HCRTR2: variants seen among roughly 807,000 people sequenced by gnomAD.
The protein encoded by HCRTR2 is orexin receptor type 2.
HCRTR2 carries 22 observed loss-of-function variants against 49.0 expected under a neutral mutation model. That is an observed-to-expected ratio of 0.45 (90% CI 0.32 to 0.64). The LOEUF is 0.64. Ranked by LOEUF, HCRTR2 falls within the 30% of genes least tolerant of loss-of-function variation. The pLI is 0.04. For missense variants in HCRTR2, 491 were observed against 559.4 expected (o/e 0.88, Z 1.23); for synonymous variants, 236 against 205.3 (o/e 1.15, Z -1.28).
chr6:55,245,503 A>T (rs113772687), intron 1 of HCRTR2, among the ~76,000 whole-genome samples: 12 of 124,530 alleles, frequency 9.6e-5, no homozygotes, highest in African/African-American at 3.4e-4. Context: ...ATATATATAT[A>T]TATCTTCCCC....
chr6:55,254,781 T>G lies in HCRTR2; in HGVS notation c.403-355T>G, dbSNP rs188527849. ...ACATATGTGTTTTTTTTTTTCTATA[T>G]GAGGGTATGATTTCTTCCAATCAAT... On this transcript the variant is annotated intron_variant, in intron 2 of 6. Coordinates refer to ENST00000370862, the MANE Select transcript of HCRTR2 (RefSeq NM_001384272.1). Among the ~76,000 whole-genome samples, 176 of 151,592 alleles carry G rather than the reference T, an allele frequency of 1.2e-3. 1 individual carries two copies. The highest frequency in any genetic ancestry group is 1.7e-3 in the East Asian group (9 of 5,160).
intron 1 of HCRTR2, among the ~76,000 whole-genome samples, chr6:55,176,045 A>T (rs1386077304): frequency 6.6e-6 from 1 of 152,170 alleles, no homozygotes; most frequent in Non-Finnish European, 1.5e-5. Flanking sequence ...TGTAGCTGCA[A>T]TGGGGACTGA....
chr6:55,179,713 T>C (rs1313257752), intron 1 of HCRTR2, among the ~76,000 whole-genome samples: 1 of 152,180 alleles, frequency 6.6e-6, no homozygotes, highest in Non-Finnish European at 1.5e-5. Flanking sequence ...ATAAACACAA[T>C]GCTCCAGTTT....
chr6:55,260,466 T>C (rs1277709533), intron 3 of HCRTR2, among the ~76,000 whole-genome samples: 2 of 152,132 alleles, frequency 1.3e-5, no homozygotes, highest in African/African-American at 4.8e-5. Flanking sequence ...TATCACTTTT[T>C]ATGTAACTGG....
intron 1 of HCRTR2, among the ~76,000 whole-genome samples, chr6:55,153,206 A>G (rs568696957): frequency 2.6e-5 from 4 of 152,092 alleles, no homozygotes; most frequent in African/African-American, 7.2e-5. Context: ...GTTCTGTTCT[A>G]TTGGTCAACA....
chr6:55,191,687 G>T (rs866453534), intron 1 of HCRTR2, among the ~76,000 whole-genome samples: 2 of 152,002 alleles, frequency 1.3e-5, no homozygotes, highest in Admixed American at 6.5e-5. Context: ...CAATATTGAA[G>T]ATATGGAAGT....
At chr6:55,214,467 G>A (rs570990326) in intron 1 of HCRTR2, among the ~76,000 whole-genome samples, 2 of 152,174 alleles carry the variant, frequency 1.3e-5, no homozygotes, top group South Asian at 4.2e-4. Context: ...GAGTAGCTGA[G>A]ACTAGAGACA....
upstream of HCRTR2, among the ~76,000 whole-genome samples, chr6:55,172,875 G>A (rs1040666518): frequency 7.2e-5 from 11 of 152,192 alleles, no homozygotes; most frequent in African/African-American, 2.7e-4. Flanking sequence ...CCAATGTCTT[G>A]TGTGTGTTGA....
At chr6:55,156,925 C>G (rs1764739344) in intron 1 of HCRTR2, among the ~76,000 whole-genome samples, 1 of 152,234 alleles carries the variant, frequency 6.6e-6, no homozygotes, top group African/African-American at 2.4e-5. Flanking sequence ...CCACAGCTAA[C>G]ATCATATTTA....
At chr6:55,251,253 A>G (rs1474745530) in intron 2 of HCRTR2, among the ~76,000 whole-genome samples, 1 of 152,088 alleles carries the variant, frequency 6.6e-6, no homozygotes, top group Non-Finnish European at 1.5e-5. Flanking sequence ...ATTTGCTATA[A>G]TTTATATGTT....
At chr6:55,109,528 A>T (rs1764020987) in intron 1 of HCRTR2, among the ~76,000 whole-genome samples, 1 of 152,186 alleles carries the variant, frequency 6.6e-6, no homozygotes, top group Non-Finnish European at 1.5e-5. Flanking sequence ...CATAAGAAAC[A>T]ATCACAACTT....
At chr6:55,230,235 A>G (rs1263784583) in intron 1 of HCRTR2, among the ~76,000 whole-genome samples, 1 of 152,248 alleles carries the variant, frequency 6.6e-6, no homozygotes, top group East Asian at 1.9e-4. Context: ...TTTAGTACAG[A>G]TTTTAGATGT....
chr6:55,156,841 C>T (rs1764738078), intron 1 of HCRTR2, among the ~76,000 whole-genome samples: 1 of 151,904 alleles, frequency 6.6e-6, no homozygotes, highest in Non-Finnish European at 1.5e-5. Context: ...AACATGTTTT[C>T]AATATAAAAG....
At position 55,221,685 on chromosome 6, in the gene HCRTR2, C is replaced by T. The variant is rs182423274; in HGVS notation, c.224-26954C>T. 1.2e-3 allele frequency among the ~76,000 whole-genome samples: 187 copies of T among 151,832 alleles called. 1 individual carries two copies. The East Asian group carries it at 0.021, about 17-fold the overall frequency. ...AAAATTAGCCGGGCGTGGTGGTGGGCGCCTGTAGTCCCAACTACTCAGGAG... is the reference window on the plus strand; with the variant it reads ...AAAATTAGCCGGGCGTGGTGGTGGGTGCCTGTAGTCCCAACTACTCAGGAG... On this transcript the variant is annotated intron_variant, in intron 1 of 6. Transcript: ENST00000370862.
chr6:55,184,661 A>C (rs1210279522), intron 1 of HCRTR2, among the ~76,000 whole-genome samples: 1 of 152,214 alleles, frequency 6.6e-6, no homozygotes, highest in Non-Finnish European at 1.5e-5. Context: ...ACAGGTTGGC[A>C]TGGTAACACA....
At chr6:55,271,405 T>C (rs1165604168) in intron 4 of HCRTR2, among the ~76,000 whole-genome samples, 2 of 152,134 alleles carry the variant, frequency 1.3e-5, no homozygotes, top group East Asian at 1.9e-4. Context: ...AAATGAATCA[T>C]AGATTTATAT....
upstream of HCRTR2, among the ~76,000 whole-genome samples, chr6:55,172,492 A>G (rs1764964981): frequency 6.6e-6 from 1 of 152,172 alleles, no homozygotes; most frequent in Non-Finnish European, 1.5e-5. Flanking sequence ...ATTTGGTAAA[A>G]TAATAAAATG....
chr6:55,178,909 A>T (rs769361582), intron 1 of HCRTR2, among the ~76,000 whole-genome samples: 2 of 152,192 alleles, frequency 1.3e-5, no homozygotes, highest in Non-Finnish European at 2.9e-5. Flanking sequence ...TAGGTTGTTG[A>T]TAGGCAGGTC....
In HCRTR2 at chr6:55,135,666, A is replaced by G. The variant is rs368418828; in HGVS notation, c.-378+29121A>G. ...TTGATCCCCTTTCTAAACACTTTAC[A>G]TATATTAACTCCTTGGTTTTCAAAA... On this transcript the variant is annotated intron_variant, in intron 1 of 7. Transcript: ENST00000615358. Among the ~76,000 whole-genome samples the G allele has an allele frequency of 8.3e-4, 127 of 152,282 alleles. 5 individuals are homozygous for G. In the South Asian group the frequency reaches 0.025, roughly 31 times the overall value.
Sources: allele counts gnomAD v4.1 joint callset (sites outside exome capture counted in the v4.1 genomes callset), GRCh38; gene constraint gnomAD v4.1.1; transcripts MANE v1.5; gene names NCBI Gene and HGNC (gene_info 2026-07-23, HGNC 2026-07-21).